The following PEX6 variants were observed in gnomAD, a reference collection of about 807,000 sequenced individuals.
PEX6 encodes peroxisomal biogenesis factor 6, also known as peroxisome biogenesis factor 6.
PEX6 carries 55 observed loss-of-function variants against 85.6 expected under a neutral mutation model. The ratio of observed to expected loss-of-function variants is 0.64; its 90% confidence interval spans 0.52 to 0.80. The LOEUF (loss-of-function observed/expected upper bound fraction) is 0.80. PEX6 is among the 30% of genes least tolerant of loss of function. The probability of loss-of-function intolerance (pLI) is 0.00; values close to 1 mark genes in which losing one functional copy is unlikely to be tolerated. For missense variants in PEX6, 1,099 were observed against 1,260.3 expected, an observed-to-expected ratio of 0.87 and a Z score of 1.94; for synonymous variants, 519 against 549.1, an observed-to-expected ratio of 0.95 and a Z score of 0.77.
chr6:42,970,033 C>A, intron 3 of PEX6, 46 bp from the exon 4 acceptor site: 1 of 1,457,278 alleles, frequency 6.9e-7, no homozygotes, highest in South Asian at 1.1e-5. Context: ...AGTCCAAAAA[C>A]CCCCCTCCTC....
At chr6:42,969,296 T>A (rs1414777932) in intron 5 of PEX6, among the ~76,000 whole-genome samples, 1 of 152,200 alleles carries the variant, frequency 6.6e-6, no homozygotes, top group Non-Finnish European at 1.5e-5. Context: ...GTGGTGGCAC[T>A]GAGGTGGGGA....
rs1769788188 is a variant in PEX6, at chr6:42,966,069, GC to G, written c.2336del (p.Gly779AlafsTer43). On this transcript the variant is annotated frameshift_variant, in exon 12 of 17. Coordinates refer to ENST00000304611, the MANE Select transcript of PEX6 (RefSeq NM_000287.4). LOFTEE classifies it high-confidence loss of function. Reference protein sequence around the residue: ...KGPELINMYVGQSEENVREVF... With the variant: ...KGPELINMYVXQSEENVREVF... ...CTTCCCGCACATTCTCCTCACTTTG[GC>G]CCACATACATGTTAATGAGCTCTGG... 1.2e-6 allele frequency: 2 copies of G among 1,614,008 alleles called. No individual in the cohort carries two copies. The highest frequency in any genetic ancestry group is 2.2e-5 in the South Asian group (2 of 91,088).
Position 42,964,798 on chromosome 6 carries a change from AG to A in PEX6, c.2797del (p.Leu933TrpfsTer12). On this transcript the variant is annotated frameshift_variant, in exon 16 of 17. Coordinates refer to ENST00000304611, the MANE Select transcript of PEX6 (RefSeq NM_000287.4). LOFTEE classifies it high-confidence loss of function. This position sits in a 1 kb window ranked among gnomAD's most constrained non-coding sequence, Gnocchi z 4.6. ...TAALKRRVHD[L>X]EEGLEPGSSA... The stretch of plus-strand genomic sequence containing the variant: ...ACCGGCAAGTGGCTCACCTTCCTCC[AG>A]GTCATGAACCCTGCGTTTGAGGGCA... The A allele has an allele frequency of 6.2e-7, 1 of 1,613,980 alleles. No homozygotes were observed. Among genetic ancestry groups the A allele is most frequent in the East Asian group, 2.2e-5 (1 of 44,872 alleles).
chr6:42,965,089 A>G lies in PEX6; in HGVS notation c.2652T>C (p.Ser884=). 6.2e-7 allele frequency: 1 copy of G among 1,614,154 alleles called. No individual in the cohort carries two copies. The highest frequency in any genetic ancestry group is 8.5e-7 in the Non-Finnish European group (1 of 1,179,992). The change falls in exon 15 of 17, where the codon AGT becomes AGC. Residue 884 remains serine (S), a synonymous_variant. Transcript: ENST00000304611. The surrounding 1 kb of genome is among the most constrained non-coding windows in gnomAD (Gnocchi z 5.0). ...EDRASQLRVL[S]AITRKFKLEP... ...ACAGAGCATACTTGCGTGTGATGGC[A>G]CTTAGAACGCGTAGCTGGGAGGCCC...
rs1329070982 is a variant in PEX6 at position 42,967,323 on chromosome 6, C to T, written c.1884+45G>A. ...CAGGACTGAGTTCTTGTAACAAAAG[C>T]CAGGGACCTCCTAGGGAGGGCCAGT... On this transcript the variant is annotated intron_variant, in intron 8 of 16. Transcript: ENST00000304611. The T allele has an allele frequency of 1.9e-6, 3 of 1,566,896 alleles. No homozygotes were observed. The Admixed American group carries it at 5.3e-5, about 28-fold the overall frequency.
chr6:42,977,340 C>T (rs183743847), intron 1 of PEX6, among the ~76,000 whole-genome samples: 25 of 151,166 alleles, frequency 1.7e-4, no homozygotes, highest in Admixed American at 1.6e-3. Context: ...GCAACCTCCA[C>T]CTCCCAGGTT....
intron 1 of PEX6, among the ~76,000 whole-genome samples, chr6:42,976,307 T>A (rs563130088): frequency 1.9e-4 from 29 of 152,190 alleles, no homozygotes; most frequent in Admixed American, 4.6e-4. Context: ...ATCTAAACCA[T>A]ATATCTAGGT....
Position 42,965,045 on chromosome 6 carries a change from C to G in PEX6, c.2666+30G>C. ...CCCCTAAGCATCCCAAGGCCCAAGC[C>G]CTTCGCAGTCTTCCTCTAACAGAGC... On this transcript the variant is annotated intron_variant, in intron 15 of 16. Transcript: ENST00000304611. This position sits in a 1 kb window ranked among gnomAD's most constrained non-coding sequence, Gnocchi z 5.0. 1.2e-6 allele frequency: 2 copies of G among 1,613,310 alleles called. No individual in the cohort carries two copies. The highest frequency in any genetic ancestry group is 3.3e-5 in the Admixed American group (2 of 60,012).
At position 42,966,849 on chromosome 6, in the gene PEX6, C is replaced by T. The variant is rs750056773; in HGVS notation, c.1894G>A (p.Val632Ile). 1.1e-5 allele frequency: 18 copies of T among 1,612,752 alleles called. No individual in the cohort carries two copies. Among genetic ancestry groups the T allele is most frequent in the Non-Finnish European group, 1.5e-5 (18 of 1,179,930 alleles). Residue 632 changes from valine to isoleucine, a missense_variant, in exon 9 of 17, where the codon GTA becomes ATA. Physicochemically the swap from Val to Ile is conservative, Grantham distance 29. Transcript: ENST00000304611. ...GTCAGAAGGGCATAGAGATCCCCTA[C>T]CACAAAGCCCTAGGGAACCACAGGA... ...QLARRCAGFVVGDLYALLTHS... is the reference protein window; with the variant it reads ...QLARRCAGFVIGDLYALLTHS...
Position 42,978,595 on chromosome 6 carries a change from C to T in PEX6, c.556G>A (p.Ala186Thr). Residue 186 changes from alanine (A) to threonine (T), a missense_variant, in exon 1 of 17, where the codon GCG becomes ACG. Physicochemically the swap from Ala to Thr is moderately conservative, Grantham distance 58. Around this residue, in one of 3 missense-constraint regions of PEX6, gnomAD observed 579 missense variants for 611.6 expected, o/e 0.95. Transcript: ENST00000304611. Reference sequence around the variant, plus strand: ...AGTCGCCGCACTGTGCCAGAAACCGCAAAGGAGGACACCACGGGCGGGGGT... The same window carrying T: ...AGTCGCCGCACTGTGCCAGAAACCGTAAAGGAGGACACCACGGGCGGGGGT... The part of the protein sequence containing the change: ...PPPPPVVSSF[A>T]VSGTVRRLQG... 6.2e-7 allele frequency: 1 copy of T among 1,609,988 alleles called. No individual in the cohort carries two copies. Among genetic ancestry groups the T allele is most frequent in the Non-Finnish European group, 8.5e-7 (1 of 1,179,570 alleles).
Position 42,964,265 on chromosome 6 carries a change from C to G in PEX6, c.*70G>C. The G allele has an allele frequency of 1.3e-6, 2 of 1,586,966 alleles. No homozygotes were observed. The highest frequency in any genetic ancestry group is 8.6e-7 in the Non-Finnish European group (1 of 1,157,764). On this transcript the variant is annotated 3_prime_UTR_variant, in exon 17 of 17. Coordinates refer to ENST00000304611, the MANE Select transcript of PEX6 (RefSeq NM_000287.4). This position sits in a 1 kb window ranked among gnomAD's most constrained non-coding sequence, Gnocchi z 4.6. ...CAGCCTGAGGAGGAGCCCTTCCTTC[C>G]CAGATCTCTCTGTGGGCTATCAAGG...
At chr6:42,978,161 A>C (rs1261706638) in intron 1 of PEX6, 108 bp downstream of exon 1, 2 of 1,353,312 alleles carry the variant, frequency 1.5e-6, no homozygotes, top group Non-Finnish European at 2.1e-6. Flanking sequence ...ATTATGTTCA[A>C]AGTCCGGGAT....
At chr6:42,976,828 T>C (rs1309085899) in intron 1 of PEX6, among the ~76,000 whole-genome samples, 1 of 152,220 alleles carries the variant, frequency 6.6e-6, no homozygotes, top group African/African-American at 2.4e-5. Context: ...TCCTTGGATG[T>C]ATTTAATAAA....
intron 1 of PEX6, among the ~76,000 whole-genome samples, chr6:42,977,364 T>C (rs1310023128): frequency 1.3e-5 from 2 of 150,974 alleles, no homozygotes; most frequent in East Asian, 3.9e-4. Flanking sequence ...ACAATTCTCC[T>C]GCCTCAGCCT....
chr6:42,974,187 T>C (rs1770173463), intron 2 of PEX6, 101 bp from the exon 3 acceptor site: 1 of 872,358 alleles, frequency 1.1e-6, no homozygotes, highest in African/African-American at 1.6e-5. Context: ...TTCTTGAGTC[T>C]ACTGCCCGCC....
Position 42,965,118 on chromosome 6 carries a change from C to T in PEX6, c.2623G>A (p.Asp875Asn). The change falls in exon 15 of 17, where the codon GAC becomes AAC. Residue 875 changes from aspartate to asparagine, a missense_variant. By Grantham distance (23) the Asp-to-Asn change is conservative. Transcript: ENST00000304611. The surrounding 1 kb of genome is among the most constrained non-coding windows in gnomAD (Gnocchi z 5.0). ...AGAACGCGTAGCTGGGAGGCCCGGT[C>T]CTCATTTGCCCCCACAAACACCAGC... The part of the protein sequence containing the change: ...DKLVFVGANE[D>N]RASQLRVLSA... The T allele has an allele frequency of 6.2e-7, 1 of 1,614,220 alleles. No individual in the cohort carries two copies. The highest frequency in any genetic ancestry group is 8.5e-7 in the Non-Finnish European group (1 of 1,180,034).
At chr6:42,975,568 T>A (rs999356806) in intron 1 of PEX6, among the ~76,000 whole-genome samples, 2 of 152,170 alleles carry the variant, frequency 1.3e-5, no homozygotes, top group African/African-American at 4.8e-5. Flanking sequence ...CCCAAAGTAT[T>A]AACTGGTTAC....
intron 7 of PEX6, among the ~76,000 whole-genome samples, chr6:42,967,941 C>CT (rs1561822123): frequency 7.4e-6 from 1 of 134,252 alleles, no homozygotes; most frequent in Non-Finnish European, 1.6e-5. Flanking sequence ...GGCCCCCCCG[C>CT]TCCCCCTTTT....
At chr6:42,972,675 C>T (rs567122087) in intron 3 of PEX6, among the ~76,000 whole-genome samples, 34 of 150,258 alleles carry the variant, frequency 2.3e-4, no homozygotes, top group African/African-American at 7.8e-4. Flanking sequence ...GAGGCTGAGG[C>T]AGGAGAATGG....
Sources: gnomAD v4.1 joint callset for allele counts (sites outside exome capture counted in the v4.1 genomes callset) on GRCh38, gnomAD v4.1.1 for gene constraint, gnomAD v4.1.1 regional missense constraint, Gnocchi (gnomAD v3.1) non-coding constraint, MANE v1.5 for transcripts, NCBI Gene and HGNC (gene_info 2026-07-23, HGNC 2026-07-21) for gene names.